TLR2: variants seen among roughly 807,000 people sequenced by gnomAD.
TLR2 encodes toll-like receptor 2.
A neutral mutation model predicts 9.1 loss-of-function variants in TLR2; 7 were observed. The observed-to-expected ratio is 0.77, with a 90% CI of 0.44 to 1.44. TLR2 has a LOEUF of 1.44. TLR2 is among the 40% of genes most tolerant of loss of function. The pLI is 0.01. For missense variants in TLR2, 812 were observed against 904.6 expected (o/e 0.90, Z 1.31); for synonymous variants, 317 against 344.6 (o/e 0.92, Z 0.89).
intron 2 of TLR2, among the ~76,000 whole-genome samples, chr4:153,695,176 T>C (rs2127036074): frequency 6.6e-6 from 1 of 152,338 alleles, no homozygotes; most frequent in East Asian, 1.9e-4. Flanking sequence ...TCCTTTATTT[T>C]GGGTATATAC....
Position 153,690,798 on chromosome 4 carries a change from T to C in TLR2, c.-17+2751T>C, listed in dbSNP as rs371928069. On this transcript the variant is annotated intron_variant, in intron 2 of 2. Transcript: ENST00000642700. ...TTGTGAAAGTGTCTAGCATTAGATA[T>C]TGCAGTAGCAACTAGGCGATCAGCC... 2.0e-5 allele frequency among the ~76,000 whole-genome samples: 3 copies of C among 152,232 alleles called. No homozygotes were observed. The East Asian group carries it at 5.8e-4, about 29-fold the overall frequency.
chr4:153,704,128 G>T lies in TLR2; in HGVS notation c.1221G>T (p.Glu407Asp). Residue 407 changes from glutamate to aspartate, a missense_variant, in exon 3 of 3, where the codon GAG becomes GAT. Coordinates refer to ENST00000642700, the MANE Select transcript of TLR2 (RefSeq NM_001318789.2). ...TGGCATCATTGGAAAAAACCGGAGAGACTTTGCTCACTCTGAAAAACTTGA... is the reference window on the plus strand; with the variant it reads ...TGGCATCATTGGAAAAAACCGGAGATACTTTGCTCACTCTGAAAAACTTGA... ...NHLASLEKTG[E>D]TLLTLKNLTN... is the part of the protein sequence containing the mutation. 1 of 1,613,746 alleles carries T rather than the reference G, an allele frequency of 6.2e-7. No homozygotes were observed. Among genetic ancestry groups the T allele is most frequent in the South Asian group, 1.1e-5 (1 of 90,918 alleles).
chr4:153,705,536 C>A lies in TLR2; in HGVS notation c.*274C>A. 1 of 270,340 alleles carries A rather than the reference C, an allele frequency of 3.7e-6. No homozygotes were observed. The allele number at this position is 270,340 out of a possible 1,614,324, so 16.7% of individuals were successfully genotyped here. The stretch of plus-strand genomic sequence containing the variant: ...TATCTGAATATAGTCCCTTGGTATC[C>A]AAGGGAATTGGTTGCAGGATCCTCG... On this transcript the variant is annotated 3_prime_UTR_variant, in exon 3 of 3. Transcript: ENST00000642700.
Position 153,704,821 on chromosome 4 carries a change from C to T in TLR2, c.1914C>T (p.Asn638=). 1 of 1,614,072 alleles carries T rather than the reference C, an allele frequency of 6.2e-7. No homozygotes were observed. Among genetic ancestry groups the T allele is most frequent in the Non-Finnish European group, 8.5e-7 (1 of 1,179,986 alleles). The change falls in exon 3 of 3, where the codon AAC becomes AAT. Residue 638 remains asparagine (N), a synonymous_variant. Coordinates refer to ENST00000642700, the MANE Select transcript of TLR2 (RefSeq NM_001318789.2). The part of the protein sequence containing the change: ...KRKPRKAPSR[N]ICYDAFVSYS... ...AGCCCAGGAAAGCTCCCAGCAGGAACATCTGCTATGATGCATTTGTTTCTT... is the reference window on the plus strand; with the variant it reads ...AGCCCAGGAAAGCTCCCAGCAGGAATATCTGCTATGATGCATTTGTTTCTT...
chr4:153,694,874 C>T (rs1178270122), intron 2 of TLR2, among the ~76,000 whole-genome samples: 2 of 152,188 alleles, frequency 1.3e-5, no homozygotes, highest in Non-Finnish European at 2.9e-5. Flanking sequence ...CTCTTATCTC[C>T]ATGAGTTCAA....
chr4:153,698,641 G>T (rs1220792661), intron 2 of TLR2, among the ~76,000 whole-genome samples: 3 of 152,080 alleles, frequency 2.0e-5, no homozygotes, highest in Non-Finnish European at 4.4e-5. Context: ...TCAATGTTTG[G>T]TTTGTCAAAT....
At chr4:153,690,720 T>C (rs1736051971) in intron 2 of TLR2, among the ~76,000 whole-genome samples, 2 of 152,244 alleles carry the variant, frequency 1.3e-5, no homozygotes, top group Non-Finnish European at 2.9e-5. Flanking sequence ...TTAGCTTCTT[T>C]CCAGGTACTG....
intron 2 of TLR2, among the ~76,000 whole-genome samples, chr4:153,695,829 T>C (rs1208364258): frequency 6.6e-6 from 1 of 152,218 alleles, no homozygotes; most frequent in Admixed American, 6.5e-5. Flanking sequence ...TTTAAGTCTT[T>C]AATCTATTTT....
chr4:153,703,830 A>G lies in TLR2; in HGVS notation c.923A>G (p.Lys308Arg), dbSNP rs1317538551. Reference protein sequence around the residue: ...SDNDRVIDPGKVETLTIRRLH... With the variant: ...SDNDRVIDPGRVETLTIRRLH... ...AATGACAGAGTTATAGATCCAGGTA[A>G]AGTGGAAACGTTAACAATCCGGAGG... Residue 308 changes from lysine (K) to arginine (R), a missense_variant, in exon 3 of 3, where the codon AAA becomes AGA. Coordinates refer to ENST00000642700, the MANE Select transcript of TLR2 (RefSeq NM_001318789.2). 1.2e-6 allele frequency: 2 copies of G among 1,613,960 alleles called. No individual in the cohort carries two copies. Among genetic ancestry groups the G allele is most frequent in the Non-Finnish European group, 1.7e-6 (2 of 1,180,004 alleles).
downstream of TLR2, among the ~76,000 whole-genome samples, chr4:153,708,205 A>C (rs144045084): frequency 3.3e-3 from 508 of 152,322 alleles, 1 homozygote; most frequent in African/African-American, 0.011. Context: ...CATTCAGATA[A>C]ATACTGGCTT....
In TLR2 at chr4:153,702,928, GGT is replaced by G. The variant is rs1462232379; in HGVS notation, c.25_26del (p.Trp9GlyfsTer22). ...GGACAATGCCACATACTTTGTGGAT[GGT>G]GTGGGTCTTGGGGGTCATCATCAGC... is the stretch of plus-strand genomic sequence containing the variant. Reference protein sequence around the residue: MPHTLWMVWVLGVIISLS... With the variant: MPHTLWMXWVLGVIISLS... On this transcript the variant is annotated frameshift_variant, in exon 3 of 3. Transcript: ENST00000642700. LOFTEE classifies it low-confidence loss of function (END_TRUNC). The G allele has an allele frequency of 4.3e-6, 7 of 1,611,304 alleles. No individual in the cohort carries two copies. In the East Asian group the frequency reaches 1.6e-4, roughly 36 times the overall value.
At chr4:153,701,117 T>C (rs1372168514) in intron 2 of TLR2, among the ~76,000 whole-genome samples, 1 of 152,198 alleles carries the variant, frequency 6.6e-6, no homozygotes, top group African/African-American at 2.4e-5. Context: ...AGAACATCTG[T>C]TCATCAAAAG....
At chr4:153,691,804 T>G (rs1048557818) in intron 2 of TLR2, among the ~76,000 whole-genome samples, 5 of 152,206 alleles carry the variant, frequency 3.3e-5, no homozygotes, top group Admixed American at 2.6e-4. Flanking sequence ...AGTTACTTTC[T>G]GTGGCACAAT....
At chr4:153,691,923 T>G (rs1469185081) in intron 2 of TLR2, among the ~76,000 whole-genome samples, 1 of 152,226 alleles carries the variant, frequency 6.6e-6, no homozygotes, top group Admixed American at 6.5e-5. Flanking sequence ...TTGCAAGTGA[T>G]CATAACATTG....
chr4:153,709,266 C>T (rs1027832579), downstream of TLR2, among the ~76,000 whole-genome samples: 6 of 152,142 alleles, frequency 3.9e-5, no homozygotes, highest in Non-Finnish European at 7.4e-5. Flanking sequence ...AGTATAGTGC[C>T]AATATCTGAA....
intron 2 of TLR2, 130 bp from the exon 3 acceptor site, chr4:153,702,762 T>TTTG (rs1736990781): frequency 1.7e-5 from 7 of 417,198 alleles, no homozygotes; most frequent in South Asian, 4.0e-5. Context: ...CTCTCTCTCT[T>TTTG]TGTGTGTGTG....
intron 1 of TLR2, among the ~76,000 whole-genome samples, chr4:153,687,148 T>C (rs2127009345): frequency 6.6e-6 from 1 of 152,142 alleles, no homozygotes; most frequent in Middle Eastern, 3.4e-3. Flanking sequence ...AAAAATTACA[T>C]ATAAAAACTT....
chr4:153,709,659 A>G (rs574630062), downstream of TLR2, among the ~76,000 whole-genome samples: 19 of 152,358 alleles, frequency 1.2e-4, no homozygotes, highest in Non-Finnish European at 2.1e-4. Context: ...GAGAAGTACT[A>G]TGAAGAAAAT....
chr4:153,699,227 A>C (rs992804630), intron 2 of TLR2, among the ~76,000 whole-genome samples: 3 of 152,180 alleles, frequency 2.0e-5, no homozygotes, highest in Non-Finnish European at 4.4e-5. Context: ...TGAAGGATTT[A>C]ACTATCAATC....
Sources: gnomAD v4.1 joint callset for allele counts (sites outside exome capture counted in the v4.1 genomes callset) on GRCh38, gnomAD v4.1.1 for gene constraint, MANE v1.5 for transcripts, NCBI Gene and HGNC (gene_info 2026-07-23, HGNC 2026-07-21) for gene names.